Variants in IPO7 observed in about 807,000 individuals in gnomAD.
IPO7 encodes importin 7.
IPO7 carries 13 observed loss-of-function variants against 136.4 expected under a neutral mutation model. The ratio of observed to expected loss-of-function variants is 0.10; its 90% confidence interval spans 0.06 to 0.15. IPO7 has a LOEUF of 0.15. Among genes scored for constraint, IPO7 ranks in the 10% least tolerant of loss-of-function variants. IPO7 has a pLI of 1.00. For synonymous variants in IPO7, 403 were observed against 404.4 expected (o/e 1.00, Z 0.04); for missense variants, 857 against 1,240.6 (o/e 0.69, Z 4.65).
In IPO7 at chr11:9,414,244, C is replaced by G. The variant is rs775385065; in HGVS notation, c.480-11C>G. The G allele has an allele frequency of 6.3e-7, 1 of 1,589,824 alleles. No homozygotes were observed. Among genetic ancestry groups the G allele is most frequent in the East Asian group, 2.2e-5 (1 of 44,562 alleles). On this transcript the variant is annotated splice_polypyrimidine_tract_variant and intron_variant, in intron 4 of 24. Transcript: ENST00000379719. ...AATTCTTACAGAATTAGTTTGTATT[C>G]CTACTCAAAGGTATAAAAAACCAGA...
intron 4 of IPO7, 106 bp from the exon 5 acceptor site, chr11:9,414,149 G>T: frequency 1.3e-6 from 1 of 793,198 alleles, no homozygotes; most frequent in Non-Finnish European, 1.9e-6. Flanking sequence ...TTCTAAATTG[G>T]TTAAGAAGTA....
intron 16 of IPO7, among the ~76,000 whole-genome samples, chr11:9,431,331 C>T (rs537929746): frequency 6.0e-4 from 91 of 152,140 alleles, no homozygotes; most frequent in African/African-American, 1.9e-3. Context: ...ATAAAATTTA[C>T]AATCCTAACC....
At chr11:9,397,521 G>T (rs1209017815) in intron 1 of IPO7, among the ~76,000 whole-genome samples, 9 of 150,382 alleles carry the variant, frequency 6.0e-5, no homozygotes, top group Non-Finnish European at 8.9e-5. Flanking sequence ...GTGAGCCACT[G>T]TGCTGGGCAG....
At chr11:9,413,618 G>A (rs1353760147) in intron 4 of IPO7, among the ~76,000 whole-genome samples, 1 of 151,972 alleles carries the variant, frequency 6.6e-6, no homozygotes, top group Non-Finnish European at 1.5e-5. Flanking sequence ...GTTAATTTCT[G>A]TGCCTCAGTT....
intron 1 of IPO7, among the ~76,000 whole-genome samples, chr11:9,389,114 C>T (rs1048178679): frequency 2.0e-5 from 3 of 151,672 alleles, no homozygotes; most frequent in East Asian, 3.9e-4. Context: ...AGTGCGGTGG[C>T]ATGATCTTGG....
At chr11:9,422,420 A>T (rs563216803) in intron 8 of IPO7, among the ~76,000 whole-genome samples, 121 of 149,814 alleles carry the variant, frequency 8.1e-4, no homozygotes, top group East Asian at 1.4e-3. Context: ...TTTTTTTTTT[A>T]AAAAAAGACA....
At chr11:9,417,738 G>T in intron 6 of IPO7, among the ~76,000 whole-genome samples, 2 of 145,384 alleles carry the variant, frequency 1.4e-5, no homozygotes, top group Non-Finnish European at 1.5e-5. Flanking sequence ...TTAAGCTGAA[G>T]TTTCGCTCTT....
chr11:9,431,120 T>G, intron 16 of IPO7, 117 bp downstream of exon 16: 1 of 694,354 alleles, frequency 1.4e-6, no homozygotes, highest in Non-Finnish European at 2.4e-6. Context: ...TTTATAAAGA[T>G]AAGATTGGTA....
At chr11:9,398,035 A>G (rs1854740125) in intron 1 of IPO7, among the ~76,000 whole-genome samples, 1 of 152,202 alleles carries the variant, frequency 6.6e-6, no homozygotes, top group Admixed American at 6.5e-5. Context: ...TGCAGGAGAG[A>G]AGATACATAC....
chr11:9,395,861 C>G (rs977914426), intron 1 of IPO7, among the ~76,000 whole-genome samples: 1 of 151,812 alleles, frequency 6.6e-6, no homozygotes, highest in Non-Finnish European at 1.5e-5. Context: ...GGATTACAGG[C>G]AGCCGCCACC....
intron 22 of IPO7, 62 bp downstream of exon 22, chr11:9,438,347 C>T: frequency 1.8e-6 from 2 of 1,082,032 alleles, no homozygotes; most frequent in Non-Finnish European, 2.8e-6. Context: ...CCGCACTGGG[C>T]CGGGCGCAGT....
At position 9,410,541 on chromosome 11, in the gene IPO7, ATCT is replaced by A. The variant is rs1239383829; in HGVS notation, c.479+460_479+462del. Among the ~76,000 whole-genome samples the A allele has an allele frequency of 3.9e-5, 6 of 152,094 alleles. No individual in the cohort carries two copies. In the East Asian group the frequency reaches 1.2e-3, roughly 29 times the overall value. On this transcript the variant is annotated intron_variant, in intron 4 of 24. Transcript: ENST00000379719. The stretch of plus-strand genomic sequence containing the variant: ...GAAGAATTCATTGGAATTTCATGTG[ATCT>A]TCTTTAATCAGTGTGTTTTGGGGGA...
chr11:9,445,786 G>A lies in IPO7; in HGVS notation c.*592G>A, dbSNP rs1855519509. On this transcript the variant is annotated 3_prime_UTR_variant, in exon 25 of 25. Transcript: ENST00000379719. ...ACTACATAACTGATTATAAAAATCT[G>A]TAAATGAATTAGCACTTTCATATTG... 1 of 141,324 alleles carries A rather than the reference G, an allele frequency of 7.1e-6. No homozygotes were observed. Among genetic ancestry groups the A allele is most frequent in the Non-Finnish European group, 1.5e-5 (1 of 65,626 alleles). The allele number at this position is 141,324 out of a possible 1,614,324, so 8.8% of individuals were successfully genotyped here.
intron 23 of IPO7, 146 bp from the exon 24 acceptor site, chr11:9,441,935 T>C (rs929425943): frequency 3.9e-5 from 19 of 491,578 alleles, no homozygotes; most frequent in Non-Finnish European, 7.4e-6. Flanking sequence ...TTCACAAATA[T>C]GGTAATTTTA....
At chr11:9,404,331 G>A (rs1323097462) in intron 2 of IPO7, among the ~76,000 whole-genome samples, 1 of 151,610 alleles carries the variant, frequency 6.6e-6, no homozygotes, top group Non-Finnish European at 1.5e-5. Flanking sequence ...CGGGCGTGGT[G>A]GCGGGCGCCT....
At position 9,412,488 on chromosome 11, in the gene IPO7, T is replaced by A. The variant is rs186184778; in HGVS notation, c.480-1767T>A. Among the ~76,000 whole-genome samples the A allele has an allele frequency of 7.2e-5, 11 of 152,308 alleles. No homozygotes were observed. In the East Asian group the frequency reaches 1.9e-3, roughly 27 times the overall value. ...TGATTTCTATAATCAGTAATCTGTA[T>A]TTTAAAAATTTAGTCTGCCTATTGA... On this transcript the variant is annotated intron_variant, in intron 4 of 24. Coordinates refer to ENST00000379719, the MANE Select transcript of IPO7 (RefSeq NM_006391.3).
chr11:9,434,420 A>G (rs912261482), intron 18 of IPO7, among the ~76,000 whole-genome samples: 8 of 152,196 alleles, frequency 5.3e-5, no homozygotes, highest in Non-Finnish European at 7.3e-5. Context: ...AAATGTGTCT[A>G]TAATTTTTAT....
intron 2 of IPO7, among the ~76,000 whole-genome samples, chr11:9,405,821 A>G (rs1489498256): frequency 6.6e-6 from 1 of 152,144 alleles, no homozygotes; most frequent in African/African-American, 2.4e-5. Flanking sequence ...AGAAAAGGGT[A>G]ATTTTTATTG....
In IPO7 at chr11:9,447,793, A is replaced by C; in HGVS notation, c.*2599A>C. On this transcript the variant is annotated 3_prime_UTR_variant, in exon 25 of 25. Transcript: ENST00000379719. ...AAGCCTTTCTATTTATCAGTATTAA[A>C]TAAAGGAAGTTAATCTGTTTCTCTG... 6.6e-6 allele frequency: 1 copy of C among 152,128 alleles called. No homozygotes were observed. The highest frequency in any genetic ancestry group is 1.9e-4 in the East Asian group (1 of 5,194). The allele number at this position is 152,128 out of a possible 1,614,324, so 9.4% of individuals were successfully genotyped here.
Sources: allele counts gnomAD v4.1 joint callset (sites outside exome capture counted in the v4.1 genomes callset), GRCh38; gene constraint gnomAD v4.1.1; transcripts MANE v1.5; gene names NCBI Gene and HGNC (gene_info 2026-07-23, HGNC 2026-07-21).